The following SEMA5A variants were observed in gnomAD, a reference collection of about 807,000 sequenced individuals.
SEMA5A encodes the protein semaphorin 5A.
In SEMA5A, 55 loss-of-function variants were observed where a neutral mutation model predicts 135.5. The observed-to-expected ratio is 0.41, with a 90% CI of 0.33 to 0.51. The LOEUF is 0.51. SEMA5A is among the 20% of genes least tolerant of loss of function. The probability of loss-of-function intolerance (pLI) is 0.37; values close to 1 mark genes in which losing one functional copy is unlikely to be tolerated. For synonymous variants in SEMA5A, 580 were observed against 546.5 expected, an observed-to-expected ratio of 1.06 and a Z score of -0.85; for missense variants, 1,290 against 1,419.9, an observed-to-expected ratio of 0.91 and a Z score of 1.47.
intron 11 of SEMA5A, among the ~76,000 whole-genome samples, chr5:9,177,708 G>A (rs1376093612): frequency 6.6e-6 from 1 of 152,124 alleles, no homozygotes; most frequent in Non-Finnish European, 1.5e-5. Context: ...GCTGCTGCCA[G>A]GTGACCCTAA....
intron 1 of SEMA5A, among the ~76,000 whole-genome samples, chr5:9,542,722 G>C (rs1001304553): frequency 6.6e-6 from 1 of 152,036 alleles, no homozygotes; most frequent in African/African-American, 2.4e-5. Context: ...CAGGATGTAC[G>C]GCTGCTGTAC....
chr5:9,407,368 A>G (rs1175511198), intron 2 of SEMA5A, among the ~76,000 whole-genome samples: 1 of 152,268 alleles, frequency 6.6e-6, no homozygotes, highest in African/African-American at 2.4e-5. Context: ...ATCCTGAATT[A>G]GTACAACACA....
chr5:9,036,101 T>C lies in SEMA5A; in HGVS notation c.*6796A>G, dbSNP rs752672520. On this transcript the variant is annotated 3_prime_UTR_variant, in exon 23 of 23. Coordinates refer to ENST00000382496, the MANE Select transcript of SEMA5A (RefSeq NM_003966.3). ...GCGGCATAGCACAAAAGTTTTGCTA[T>C]GCACTTTTGAAGAATCCAACATTGG... is the stretch of plus-strand genomic sequence containing the variant. 1.3e-5 allele frequency: 2 copies of C among 152,182 alleles called. No individual in the cohort carries two copies. The highest frequency in any genetic ancestry group is 2.9e-5 in the Non-Finnish European group (2 of 68,034). 9.4% of individuals were successfully genotyped at this position (152,182 alleles called of 1,614,324 possible).
chr5:9,142,587 A>G (rs1742123128), intron 12 of SEMA5A, among the ~76,000 whole-genome samples: 1 of 152,180 alleles, frequency 6.6e-6, no homozygotes, highest in African/African-American at 2.4e-5. Flanking sequence ...TCCCTTCCCT[A>G]ATTCCTATGA....
At position 9,045,266 on chromosome 5, in the gene SEMA5A, C is replaced by A. The variant is rs183545604; in HGVS notation, c.2894-682G>T. On this transcript the variant is annotated intron_variant, in intron 21 of 22. Coordinates refer to ENST00000382496, the MANE Select transcript of SEMA5A (RefSeq NM_003966.3). ...GTTTCTGCAGAAAAGTTTATTCATG[C>A]ACCTCAATGGGTTGAGCCTCCCTGT... Among the ~76,000 whole-genome samples, 22 of 152,312 alleles carry A rather than the reference C, an allele frequency of 1.4e-4. No individual in the cohort carries two copies. In the Middle Eastern group the frequency reaches 0.014, roughly 94 times the overall value.
At chr5:9,189,664 C>T (rs764360668) in intron 11 of SEMA5A, among the ~76,000 whole-genome samples, 5 of 152,158 alleles carry the variant, frequency 3.3e-5, no homozygotes, top group Non-Finnish European at 7.3e-5. Context: ...GCCTCACACA[C>T]CCAGAGCCGT....
At chr5:9,408,680 A>G (rs1476057486) in intron 2 of SEMA5A, among the ~76,000 whole-genome samples, 1 of 152,176 alleles carries the variant, frequency 6.6e-6, no homozygotes, top group Non-Finnish European at 1.5e-5. Flanking sequence ...CTCATTTTTC[A>G]TATGAAGAAA....
chr5:9,154,918 T>C (rs1454537748), intron 11 of SEMA5A, among the ~76,000 whole-genome samples: 2 of 152,144 alleles, frequency 1.3e-5, no homozygotes, highest in East Asian at 3.9e-4. Context: ...GATGCTCTCA[T>C]GTAGCAAGGG....
intron 1 of SEMA5A, among the ~76,000 whole-genome samples, chr5:9,544,746 T>C (rs1217598221): frequency 6.6e-6 from 1 of 152,018 alleles, no homozygotes; most frequent in African/African-American, 2.4e-5. Context: ...GGCGAGGAGG[T>C]GAACGCGCTT....
chr5:9,514,108 G>A (rs1483134322), intron 1 of SEMA5A, among the ~76,000 whole-genome samples: 1 of 152,076 alleles, frequency 6.6e-6, no homozygotes, highest in Non-Finnish European at 1.5e-5. Context: ...GCCTCCCTGG[G>A]CTAGGGCTTC....
intron 1 of SEMA5A, among the ~76,000 whole-genome samples, chr5:9,512,719 G>A (rs1044816589): frequency 2.6e-5 from 4 of 152,038 alleles, no homozygotes; most frequent in Non-Finnish European, 4.4e-5. Flanking sequence ...TTCCTTTTAA[G>A]GCATTTTAAA....
Position 9,042,858 on chromosome 5 carries a change from G to T in SEMA5A, c.*39C>A. On this transcript the variant is annotated 3_prime_UTR_variant, in exon 23 of 23. Coordinates refer to ENST00000382496, the MANE Select transcript of SEMA5A (RefSeq NM_003966.3). ...GCAGTCATGGGGCACAGGCCTTGAG[G>T]AACTGGGGATTTACAAGAAGCCAAA... 1 of 1,611,992 alleles carries T rather than the reference G, an allele frequency of 6.2e-7. No homozygotes were observed. The highest frequency in any genetic ancestry group is 8.5e-7 in the Non-Finnish European group (1 of 1,178,462).
chr5:9,463,609 G>A (rs1032766073), intron 1 of SEMA5A, among the ~76,000 whole-genome samples: 1 of 152,132 alleles, frequency 6.6e-6, no homozygotes, highest in African/African-American at 2.4e-5. Flanking sequence ...CTCTCATTTT[G>A]CTGCAAAATT....
intron 1 of SEMA5A, among the ~76,000 whole-genome samples, chr5:9,449,845 G>C (rs1758570936): frequency 1.3e-5 from 2 of 152,152 alleles, no homozygotes; most frequent in African/African-American, 4.8e-5. Context: ...CAAGTTGCTA[G>C]AGAAAACTGC....
At chr5:9,105,240 G>A (rs537207830) in intron 16 of SEMA5A, among the ~76,000 whole-genome samples, 12 of 152,290 alleles carry the variant, frequency 7.9e-5, no homozygotes, top group Admixed American at 6.5e-4. Context: ...GTCCTTCACT[G>A]CCTCTTTATT....
In SEMA5A at chr5:9,040,572, TAAAC is replaced by T. The variant is rs1290666085; in HGVS notation, c.*2321_*2324del. 6.6e-6 allele frequency: 1 copy of T among 152,216 alleles called. No individual in the cohort carries two copies. The highest frequency in any genetic ancestry group is 1.5e-5 in the Non-Finnish European group (1 of 68,022). The allele number at this position is 152,216 out of a possible 1,614,324, so 9.4% of individuals were successfully genotyped here. A position where few individuals can be genotyped will look rare whatever the true frequency, so the allele number is the denominator to read the frequency against. ...AGAGAGAGAGAGAAAGGAAGAGAGA[TAAAC>T]AATTTTCCTTTGAACAGTGTGGTAC... On this transcript the variant is annotated 3_prime_UTR_variant, in exon 23 of 23. Coordinates refer to ENST00000382496, the MANE Select transcript of SEMA5A (RefSeq NM_003966.3).
At chr5:9,450,308 T>A (rs947125651) in intron 1 of SEMA5A, among the ~76,000 whole-genome samples, 1 of 152,190 alleles carries the variant, frequency 6.6e-6, no homozygotes, top group African/African-American at 2.4e-5. Flanking sequence ...ATAAACATTA[T>A]CTTTGTAAAT....
chr5:9,112,363 G>A (rs1395718798), intron 15 of SEMA5A, among the ~76,000 whole-genome samples: 2 of 152,076 alleles, frequency 1.3e-5, no homozygotes, highest in African/African-American at 2.4e-5. Flanking sequence ...CATAAATTAT[G>A]TTCCATTCTG....
In SEMA5A at chr5:9,038,506, G is replaced by A. The variant is rs1298715205; in HGVS notation, c.*4391C>T. The stretch of plus-strand genomic sequence containing the variant: ...TGAAGAAGTATCTTGACAGTATTGG[G>A]GAAATATTTATGATTTATTCTAAAA... On this transcript the variant is annotated 3_prime_UTR_variant, in exon 23 of 23. Coordinates refer to ENST00000382496, the MANE Select transcript of SEMA5A (RefSeq NM_003966.3). 6.6e-6 allele frequency: 1 copy of A among 151,972 alleles called. No individual in the cohort carries two copies. Among genetic ancestry groups the A allele is most frequent in the East Asian group, 1.9e-4 (1 of 5,168 alleles). The allele number at this position is 151,972 out of a possible 1,614,324, so 9.4% of individuals were successfully genotyped here. A position where few individuals can be genotyped will look rare whatever the true frequency, so the allele number is the denominator to read the frequency against.
Sources: gnomAD v4.1 joint callset for allele counts (sites outside exome capture counted in the v4.1 genomes callset) on GRCh38, gnomAD v4.1.1 for gene constraint, MANE v1.5 for transcripts, NCBI Gene and HGNC (gene_info 2026-07-23, HGNC 2026-07-21) for gene names.